Variants in SIPA1L2 observed in about 807,000 individuals in gnomAD.
The protein encoded by SIPA1L2 is signal-induced proliferation-associated 1-like protein 2.
SIPA1L2 carries 56 observed loss-of-function variants against 163.9 expected under a neutral mutation model. The observed-to-expected ratio is 0.34, with a 90% CI of 0.28 to 0.43. The LOEUF is 0.43. Among genes scored for constraint, SIPA1L2 ranks in the 20% least tolerant of loss-of-function variants. The probability of loss-of-function intolerance (pLI) is 1.00; values close to 1 mark genes in which losing one functional copy is unlikely to be tolerated. For synonymous variants in SIPA1L2, 877 were observed against 865.7 expected (o/e 1.01, Z -0.23); for missense variants, 1,974 against 2,193.5 (o/e 0.90, Z 2.00).
At chr1:232,627,777 T>C in intron 1 of SIPA1L2, among the ~76,000 whole-genome samples, 1 of 152,248 alleles carries the variant, frequency 6.6e-6, no homozygotes, top group Non-Finnish European at 1.5e-5. Flanking sequence ...CCCATACCTG[T>C]GATCTAGCTC....
At chr1:232,472,762 C>T (rs77624213) in intron 7 of SIPA1L2, among the ~76,000 whole-genome samples, 31 of 152,246 alleles carry the variant, frequency 2.0e-4, no homozygotes, top group Admixed American at 5.2e-4. Flanking sequence ...GCACCTACAG[C>T]GCATATTCCA....
chr1:232,424,334 A>C (rs1353583484), intron 18 of SIPA1L2, among the ~76,000 whole-genome samples: 1 of 148,052 alleles, frequency 6.8e-6, no homozygotes, highest in Non-Finnish European at 1.5e-5. Context: ...AAAAAAAAAA[A>C]AAAAAAAAAA....
chr1:232,515,484 C>A lies in SIPA1L2; in HGVS notation c.-145G>T. Reference sequence around the variant, plus strand: ...TCTTTTCTTAGCCCAAAGCAAACAACATCCTCAGAATACAGTTTCTTCAAA... The same window carrying A: ...TCTTTTCTTAGCCCAAAGCAAACAAAATCCTCAGAATACAGTTTCTTCAAA... On this transcript the variant is annotated 5_prime_UTR_variant, in exon 3 of 23. An upstream start codon of the reference 5' UTR is lost. Transcript: ENST00000674635. The A allele has an allele frequency of 1.2e-6, 1 of 807,888 alleles. No homozygotes were observed. Among genetic ancestry groups the A allele is most frequent in the South Asian group, 2.1e-5 (1 of 46,880 alleles). The allele number at this position is 807,888 out of a possible 1,614,324, so 50.0% of individuals were successfully genotyped here.
chr1:232,497,985 C>T (rs563628611), intron 3 of SIPA1L2, among the ~76,000 whole-genome samples: 1 of 152,258 alleles, frequency 6.6e-6, no homozygotes, highest in East Asian at 1.9e-4. Context: ...GCTCCCTCTG[C>T]CTGGAATGTC....
In SIPA1L2 at chr1:232,515,352, A is replaced by G; in HGVS notation, c.-13T>C. ...TTGGGTCACTCATGTCTACCGAGGA[A>G]GAGCCTCCAAGTCTCACCAGGAAGA... On this transcript the variant is annotated 5_prime_UTR_variant, in exon 3 of 23. Transcript: ENST00000674635. The G allele has an allele frequency of 6.4e-7, 1 of 1,562,150 alleles. No individual in the cohort carries two copies. The highest frequency in any genetic ancestry group is 1.4e-5 in the African/African-American group (1 of 73,498).
At chr1:232,584,902 G>A (rs1339651217) in intron 1 of SIPA1L2, among the ~76,000 whole-genome samples, 1 of 152,206 alleles carries the variant, frequency 6.6e-6, no homozygotes, top group Non-Finnish European at 1.5e-5. Context: ...ATCATTAGAA[G>A]GTTATATAAC....
At chr1:232,467,125 T>C (rs1664561359) in intron 8 of SIPA1L2, among the ~76,000 whole-genome samples, 1 of 152,244 alleles carries the variant, frequency 6.6e-6, no homozygotes. Flanking sequence ...GGCTAACTTG[T>C]GCTTTAATCT....
chr1:232,472,449 C>T (rs1405884782), intron 7 of SIPA1L2, among the ~76,000 whole-genome samples: 1 of 152,216 alleles, frequency 6.6e-6, no homozygotes, highest in African/African-American at 2.4e-5. Flanking sequence ...ACCCAATACA[C>T]ATTTGTTTAA....
Position 232,471,396 on chromosome 1 carries a change from G to C in SIPA1L2, c.2218C>G (p.Pro740Ala), listed in dbSNP as rs1025305837. Residue 740 changes from proline (P) to alanine (A), a missense_variant, in exon 8 of 23, where the codon CCA becomes GCA. Pro to Ala is a conservative substitution (Grantham distance 27). Transcript: ENST00000674635. ...CTATAACACACATTTTCGGTACATGGATTATGCACTTTGACTATGACAAAG... is the reference window on the plus strand; with the variant it reads ...CTATAACACACATTTTCGGTACATGCATTATGCACTTTGACTATGACAAAG... ...HVFVIVKVHN[P>A]CTENVCYSVG... The C allele has an allele frequency of 3.7e-6, 6 of 1,613,974 alleles. No individual in the cohort carries two copies. The highest frequency in any genetic ancestry group is 1.6e-4 in the Middle Eastern group (1 of 6,062).
At chr1:232,625,853 A>C (rs990895700) in intron 1 of SIPA1L2, among the ~76,000 whole-genome samples, 1 of 152,374 alleles carries the variant, frequency 6.6e-6, no homozygotes, top group African/African-American at 2.4e-5. Context: ...TATTACCGGA[A>C]GACCACTTAC....
chr1:232,475,631 G>C (rs549397593), intron 7 of SIPA1L2, among the ~76,000 whole-genome samples: 1 of 152,280 alleles, frequency 6.6e-6, no homozygotes, highest in South Asian at 2.1e-4. Context: ...TTAGTGAACT[G>C]TTCTCATTTC....
intron 22 of SIPA1L2, among the ~76,000 whole-genome samples, chr1:232,399,909 G>GT (rs1362322731): frequency 6.6e-6 from 1 of 152,160 alleles, no homozygotes; most frequent in Non-Finnish European, 1.5e-5. Context: ...CTGTCAGATT[G>GT]TAATAATCGG....
rs559815163 is a variant in SIPA1L2 at position 232,531,812 on chromosome 1, C to T, written c.-269-16204G>A. Among the ~76,000 whole-genome samples the T allele has an allele frequency of 2.6e-5, 4 of 152,058 alleles. No individual in the cohort carries two copies. In the East Asian group the frequency reaches 5.8e-4, roughly 22 times the overall value. On this transcript the variant is annotated intron_variant, in intron 2 of 22. Transcript: ENST00000674635. ...GGGCGTTAACGGAAGGGTACGGTGG[C>T]TAAGGAAATACCTGAAGAAAAGGAT...
At chr1:232,517,121 T>C (rs1199595904) in intron 2 of SIPA1L2, among the ~76,000 whole-genome samples, 1 of 152,200 alleles carries the variant, frequency 6.6e-6, no homozygotes, top group Non-Finnish European at 1.5e-5. Flanking sequence ...AGTTGTATTC[T>C]TGTACATAAC....
At chr1:232,617,201 G>C (rs181011391) in intron 1 of SIPA1L2, among the ~76,000 whole-genome samples, 73 of 152,320 alleles carry the variant, frequency 4.8e-4, no homozygotes, top group African/African-American at 1.7e-3. Flanking sequence ...CTCTTCAGAA[G>C]CAAAGTTGCT....
chr1:232,566,404 T>C (rs1164160250), intron 2 of SIPA1L2, among the ~76,000 whole-genome samples: 1 of 152,070 alleles, frequency 6.6e-6, no homozygotes, highest in Non-Finnish European at 1.5e-5. Flanking sequence ...GGAAAGAAAA[T>C]AAACCATGCA....
At chr1:232,615,015 G>A (rs1002489726) in intron 1 of SIPA1L2, among the ~76,000 whole-genome samples, 11 of 152,180 alleles carry the variant, frequency 7.2e-5, no homozygotes, top group Non-Finnish European at 1.5e-4. Flanking sequence ...ATTCTGAGAG[G>A]AATAAGCTCA....
chr1:232,542,966 C>T (rs1478958613), intron 2 of SIPA1L2, among the ~76,000 whole-genome samples: 1 of 152,174 alleles, frequency 6.6e-6, no homozygotes, highest in African/African-American at 2.4e-5. Context: ...CCTACTAATT[C>T]CCTCAGATTC....
At chr1:232,529,744 T>C (rs1029654139) in intron 2 of SIPA1L2, among the ~76,000 whole-genome samples, 2 of 152,242 alleles carry the variant, frequency 1.3e-5, no homozygotes, top group African/African-American at 4.8e-5. Context: ...TCACAATTTC[T>C]TTCTCTCTTT....
Sources: gnomAD v4.1 joint callset for allele counts (sites outside exome capture counted in the v4.1 genomes callset) on GRCh38, gnomAD v4.1.1 for gene constraint, MANE v1.5 for transcripts, NCBI Gene and HGNC (gene_info 2026-07-23, HGNC 2026-07-21) for gene names.